The following RIMS2 variants were observed in gnomAD, a reference collection of about 807,000 sequenced individuals.
RIMS2 encodes the protein regulating synaptic membrane exocytosis protein 2.
In RIMS2, 59 loss-of-function variants were observed where a neutral mutation model predicts 174.4. That is an observed-to-expected ratio of 0.34 (90% CI 0.27 to 0.42). The LOEUF is 0.42. Among genes scored for constraint, RIMS2 ranks in the 10% least tolerant of loss-of-function variants. The pLI is 1.00. For synonymous variants in RIMS2, 606 were observed against 572.5 expected (o/e 1.06, Z -0.84); for missense variants, 1,620 against 1,666.3 (o/e 0.97, Z 0.48).
intron 1 of RIMS2, among the ~76,000 whole-genome samples, chr8:103,584,410 T>A (rs2093788639): frequency 6.8e-6 from 1 of 146,312 alleles, no homozygotes; most frequent in Admixed American, 7.0e-5. Context: ...CCAAACTTAC[T>A]AGTAATAGTA....
At chr8:103,880,470 C>T (rs2154517280) in intron 3 of RIMS2, 2 of 371,476 alleles carry the variant, frequency 5.4e-6, no homozygotes, top group South Asian at 2.8e-4. Flanking sequence ...TGACTCCATC[C>T]TTTGAATGAG....
intron 2 of RIMS2, among the ~76,000 whole-genome samples, chr8:103,717,460 A>G (rs2097386353): frequency 6.6e-6 from 1 of 152,090 alleles, no homozygotes; most frequent in South Asian, 2.1e-4. Context: ...CTTCCAGCCC[A>G]CCTGATTTTC....
chr8:103,910,581 G>A, intron 5 of RIMS2, 52 bp downstream of exon 8: 1 of 1,071,208 alleles, frequency 9.3e-7, no homozygotes, highest in Non-Finnish European at 1.4e-6. Flanking sequence ...GTCTTCGTTT[G>A]CTCTCTGTCA....
chr8:103,773,152 A>C (rs1389667916), intron 3 of RIMS2, among the ~76,000 whole-genome samples: 1 of 152,112 alleles, frequency 6.6e-6, no homozygotes, highest in Non-Finnish European at 1.5e-5. Flanking sequence ...GAAAAAAAAA[A>C]TCCACAACAA....
exon 17 of RIMS2, chr8:103,989,352 A>G (rs758152399): frequency 2.5e-6 from 4 of 1,613,858 alleles, no homozygotes; most frequent in Non-Finnish European, 3.4e-6. Context: ...ATGACCGGAC[A>G]TTATAATACA....
chr8:104,152,635 A>T (rs1432422482), intron 19 of RIMS2, among the ~76,000 whole-genome samples: 2 of 152,144 alleles, frequency 1.3e-5, no homozygotes, highest in Non-Finnish European at 2.9e-5. Flanking sequence ...ATATTAAATT[A>T]TCAAAAGTCA....
At chr8:104,239,815 C>T (rs573625481) in intron 19 of RIMS2, among the ~76,000 whole-genome samples, 7 of 152,270 alleles carry the variant, frequency 4.6e-5, no homozygotes, top group East Asian at 1.9e-4. Flanking sequence ...AAGTCTGGCA[C>T]GTTTGGCTGG....
chr8:103,574,497 C>T (rs1322392983), intron 1 of RIMS2, among the ~76,000 whole-genome samples: 1 of 152,184 alleles, frequency 6.6e-6, no homozygotes, highest in African/African-American at 2.4e-5. Flanking sequence ...ATTACTTCGT[C>T]TGTTTATTTC....
intron 2 of RIMS2, among the ~76,000 whole-genome samples, chr8:103,757,246 T>G (rs186444182): frequency 6.6e-6 from 1 of 152,302 alleles, no homozygotes; most frequent in Non-Finnish European, 1.5e-5. Flanking sequence ...TAATATTTAG[T>G]TTGCTGCATT....
At chr8:103,696,785 C>T (rs2097106210) in intron 1 of RIMS2, among the ~76,000 whole-genome samples, 1 of 144,796 alleles carries the variant, frequency 6.9e-6, no homozygotes, top group Non-Finnish European at 1.5e-5. Flanking sequence ...ATTGCTAGAC[C>T]CTGGGAGGCA....
In RIMS2 at chr8:104,038,031, C is replaced by A. The variant is rs148656715; in HGVS notation, c.3334+23416C>A. 5.1e-3 allele frequency among the ~76,000 whole-genome samples: 775 copies of A among 152,104 alleles called. 2 individuals carry two copies. The highest frequency in any genetic ancestry group is 8.9e-3 in the Non-Finnish European group (606 of 67,896). On this transcript the variant is annotated intron_variant, in intron 19 of 23. Transcript: ENST00000504942. ...TAGGCACAACAGGACTATATCATAG[C>A]CTGGGTGTGTAGTAGGCTATACCAT...
At position 103,932,349 on chromosome 8, in the gene RIMS2, G is replaced by A. The variant is rs558263123; in HGVS notation, c.2375+956G>A. ...GAACAACAATCTCAGCAAAGAAAAG[G>A]ACAAAAGAATAGACAATGAACAAAG... is the stretch of plus-strand genomic sequence containing the variant. On this transcript the variant is annotated intron_variant, in intron 12 of 23. Coordinates refer to ENST00000504942, the Ensembl canonical transcript of RIMS2. Among the ~76,000 whole-genome samples, 42 of 152,236 alleles carry A rather than the reference G, an allele frequency of 2.8e-4. No individual in the cohort carries two copies. In the South Asian group the frequency reaches 8.5e-3, roughly 31 times the overall value.
chr8:104,129,577 G>C (rs371754147), intron 19 of RIMS2, among the ~76,000 whole-genome samples: 9 of 152,260 alleles, frequency 5.9e-5, no homozygotes, highest in African/African-American at 2.2e-4. Flanking sequence ...TATTATCATA[G>C]AAGCAAAAAT....
intron 1 of RIMS2, among the ~76,000 whole-genome samples, chr8:103,688,918 G>A (rs181197817): frequency 1.3e-4 from 19 of 151,390 alleles, no homozygotes; most frequent in African/African-American, 1.7e-4. Context: ...TCTTCTTTTC[G>A]TAGTTTCTTT....
chr8:104,089,471 T>C (rs991672201), intron 19 of RIMS2, among the ~76,000 whole-genome samples: 4 of 151,898 alleles, frequency 2.6e-5, no homozygotes, highest in Non-Finnish European at 5.9e-5. Flanking sequence ...GAGTTGTATA[T>C]GTGAATATGT....
At chr8:103,605,744 G>C (rs568525688) in intron 1 of RIMS2, among the ~76,000 whole-genome samples, 2 of 151,966 alleles carry the variant, frequency 1.3e-5, no homozygotes, top group Non-Finnish European at 2.9e-5. Flanking sequence ...TGTATGTGTC[G>C]AGGAATTTAT....
intron 1 of RIMS2, among the ~76,000 whole-genome samples, chr8:103,503,895 T>A (rs1043416825): frequency 2.0e-5 from 3 of 152,084 alleles, no homozygotes; most frequent in African/African-American, 7.2e-5. Flanking sequence ...ATTACTGTTA[T>A]CTCTCACCTT....
chr8:104,055,211 A>G (rs766907610), intron 19 of RIMS2, among the ~76,000 whole-genome samples: 2 of 152,128 alleles, frequency 1.3e-5, no homozygotes, highest in African/African-American at 2.4e-5. Context: ...AATATTCTAT[A>G]TCATCATTTT....
chr8:103,768,628 G>T, intron 3 of RIMS2: 1 of 1,003,572 alleles, frequency 1.0e-6, no homozygotes, highest in South Asian at 1.3e-5. Flanking sequence ...TGTAAAAAAA[G>T]GAGATAAAAA....
Sources: gnomAD v4.1 joint callset for allele counts (sites outside exome capture counted in the v4.1 genomes callset) on GRCh38, gnomAD v4.1.1 for gene constraint, MANE v1.5 for transcripts, NCBI Gene and HGNC (gene_info 2026-07-23, HGNC 2026-07-21) for gene names.